CSRP2: variants seen among roughly 807,000 people sequenced by gnomAD.
CSRP2 encodes the protein cysteine and glycine-rich protein 2.
Under a neutral mutation model 24.6 loss-of-function variants are expected in CSRP2, and 18 were observed. The observed-to-expected ratio is 0.73, with a 90% CI of 0.51 to 1.09. The LOEUF is 1.09. Among genes scored for constraint, CSRP2 ranks in the 50% least tolerant of loss-of-function variants. The pLI is 0.00. For synonymous variants in CSRP2, 87 were observed against 84.3 expected, an observed-to-expected ratio of 1.03 and a Z score of -0.18; for missense variants, 215 against 239.4, an observed-to-expected ratio of 0.90 and a Z score of 0.67.
Position 76,860,307 on chromosome 12 carries a change from C to T in CSRP2, c.388G>A (p.Glu130Lys), listed in dbSNP as rs777024886. ...ACCTTTCCAGCTCCAATTATCTTCT[C>T]GGCAGCATATACAGAATCCCCACAT... ...SRCGDSVYAA[E>K]KIIGAGKPWH... The change falls in exon 4 of 6, where the codon GAG (glutamate) becomes AAG (lysine). Residue 130 changes from glutamate to lysine, a missense_variant. Coordinates refer to ENST00000311083, the MANE Select transcript of CSRP2 (RefSeq NM_001321.3). 12 of 1,613,784 alleles carry T rather than the reference C, an allele frequency of 7.4e-6. No individual in the cohort carries two copies. Among genetic ancestry groups the T allele is most frequent in the African/African-American group, 2.7e-5 (2 of 74,912 alleles).
At chr12:76,874,465 G>A (rs541302480) in intron 1 of CSRP2, among the ~76,000 whole-genome samples, 7 of 152,130 alleles carry the variant, frequency 4.6e-5, no homozygotes, top group Non-Finnish European at 8.8e-5. Flanking sequence ...TCTTATAGGC[G>A]GTTGTAAAGA....
intron 1 of CSRP2, among the ~76,000 whole-genome samples, chr12:76,866,779 G>A (rs1953740256): frequency 6.6e-6 from 1 of 152,162 alleles, no homozygotes; most frequent in Non-Finnish European, 1.5e-5. Context: ...AAAGTGTGTT[G>A]CCCTGCAAGA....
intron 3 of CSRP2, chr12:76,862,576 A>G (rs929985553): frequency 1.4e-5 from 6 of 442,982 alleles, no homozygotes; most frequent in African/African-American, 1.0e-4. Context: ...GGGGAATTCT[A>G]AACAAATAAG....
chr12:76,864,943 A>G (rs1244339087), intron 2 of CSRP2: 2 of 152,224 alleles, frequency 1.3e-5, no homozygotes, highest in Non-Finnish European at 2.9e-5. Flanking sequence ...ACCTGTATGA[A>G]CCAAAACAAG....
At chr12:76,877,375 T>C (rs1264737435) in intron 1 of CSRP2, among the ~76,000 whole-genome samples, 6 of 152,250 alleles carry the variant, frequency 3.9e-5, no homozygotes, top group Non-Finnish European at 7.3e-5. Flanking sequence ...TCAATCAATA[T>C]TTGTTAAATA....
Position 76,863,224 on chromosome 12 carries a change from C to G in CSRP2, c.233G>C (p.Gly78Ala). 6.2e-7 allele frequency: 1 copy of G among 1,614,184 alleles called. No individual in the cohort carries two copies. Among genetic ancestry groups the G allele is most frequent in the Non-Finnish European group, 8.5e-7 (1 of 1,180,022 alleles). The change falls in exon 3 of 6, where the codon GGC (glycine) becomes GCC (alanine). Residue 78 changes from glycine to alanine, a missense_variant. By Grantham distance (60) the Gly-to-Ala change is moderately conservative. Coordinates refer to ENST00000311083, the MANE Select transcript of CSRP2 (RefSeq NM_001321.3). ...CTCGCCACGGTCCATGTTAAGCGTG[C>G]CAGCGCCCTGGCCATAACCGTAGCC... The part of the protein sequence containing the change: ...PKGYGYGQGA[G>A]TLNMDRGERL...
chr12:76,871,909 A>T (rs894102472), intron 1 of CSRP2, among the ~76,000 whole-genome samples: 1 of 152,186 alleles, frequency 6.6e-6, no homozygotes, highest in Non-Finnish European at 1.5e-5. Context: ...TAAAAAAAAA[A>T]AAAAGCAAGT....
intron 1 of CSRP2, among the ~76,000 whole-genome samples, chr12:76,876,013 T>A (rs1218043702): frequency 6.6e-6 from 1 of 152,202 alleles, no homozygotes; most frequent in South Asian, 2.1e-4. Context: ...AAACCCCTGG[T>A]AGCAATACAG....
intron 1 of CSRP2, among the ~76,000 whole-genome samples, chr12:76,870,963 A>G (rs1953789908): frequency 8.2e-6 from 1 of 121,804 alleles, no homozygotes; most frequent in Admixed American, 1.0e-4. Context: ...ACAGAGCAAG[A>G]TGACCCTGTC....
chr12:76,869,578 A>ACACACACACACCCC, intron 1 of CSRP2, among the ~76,000 whole-genome samples: 2 of 138,900 alleles, frequency 1.4e-5, no homozygotes, highest in Non-Finnish European at 3.1e-5. Flanking sequence ...ACACACACAC[A>ACACACACACACCCC]CCCCTGACTG....
chr12:76,872,619 G>A (rs1040612394), intron 1 of CSRP2, among the ~76,000 whole-genome samples: 2 of 152,238 alleles, frequency 1.3e-5, no homozygotes, highest in African/African-American at 2.4e-5. Flanking sequence ...GTGAGGGCCA[G>A]CTTTTTCTTG....
intron 1 of CSRP2, among the ~76,000 whole-genome samples, chr12:76,871,221 A>T (rs1259336194): frequency 6.6e-6 from 1 of 152,164 alleles, no homozygotes; most frequent in Non-Finnish European, 1.5e-5. Flanking sequence ...AAGGCAAGAT[A>T]AGGTAAGCAA....
In CSRP2 at chr12:76,866,280, C is replaced by A; in HGVS notation, c.-1-19G>T. 1 of 1,590,936 alleles carries A rather than the reference C, an allele frequency of 6.3e-7. No individual in the cohort carries two copies. The highest frequency in any genetic ancestry group is 1.7e-4 in the Middle Eastern group (1 of 6,020). On this transcript the variant is annotated intron_variant, in intron 1 of 5. Transcript: ENST00000311083. ...AGGCATTCTGAAGGAATAAAGGATT[C>A]ATTAGAATGTCCCTGTGCTGGTCGT...
intron 4 of CSRP2, among the ~76,000 whole-genome samples, chr12:76,860,064 C>T (rs902394962): frequency 3.3e-5 from 5 of 152,092 alleles, no homozygotes; most frequent in Non-Finnish European, 7.4e-5. Context: ...TCAGGAGTGC[C>T]CCCTATGAAA....
chr12:76,862,811 T>C (rs1425125896), intron 3 of CSRP2: 4 of 1,474,148 alleles, frequency 2.7e-6, no homozygotes, highest in Non-Finnish European at 3.6e-6. Context: ...GCTGCTTACA[T>C]TGCACATGAG....
chr12:76,859,043 G>GAGGA lies in CSRP2; in HGVS notation c.506-19_506-16dup, dbSNP rs1565818775. The GAGGA allele has an allele frequency of 1.2e-6, 2 of 1,612,998 alleles. No homozygotes were observed. The highest frequency in any genetic ancestry group is 2.7e-5 in the African/African-American group (2 of 75,050). ...TGCATAGCATCCTACAAAGGAAAGG[G>GAGGA]AGGAAGGATAGTTAGTGCAAGTCCA... On this transcript the variant is annotated splice_polypyrimidine_tract_variant and intron_variant, in intron 5 of 5. Transcript: ENST00000311083.
At chr12:76,862,985 T>C in intron 3 of CSRP2, 191 bp downstream of exon 3, 1 of 1,454,836 alleles carries the variant, frequency 6.9e-7, no homozygotes, top group Non-Finnish European at 9.0e-7. Flanking sequence ...TAGAAATCAC[T>C]GGAATTATTA....
intron 1 of CSRP2, 45 bp from the exon 2 acceptor site, chr12:76,866,306 A>T (rs1434932864): frequency 1.3e-6 from 2 of 1,506,732 alleles, no homozygotes; most frequent in Non-Finnish European, 1.8e-6. Context: ...TGCTGGTCGT[A>T]CGGCTCCCTA....
intron 1 of CSRP2, among the ~76,000 whole-genome samples, chr12:76,877,963 C>CCAGGGGGTGCCTACGTGGAGCTCCTGA (rs1953867953): frequency 8.8e-6 from 1 of 113,846 alleles, no homozygotes; most frequent in Non-Finnish European, 1.9e-5. Context: ...GCCCCCGCCC[C>CCAGGGGGTGCCTACGTGGAGCTCCTGA]ACCCCCCCAC....
Sources: gnomAD v4.1 joint callset for allele counts (sites outside exome capture counted in the v4.1 genomes callset) on GRCh38, gnomAD v4.1.1 for gene constraint, MANE v1.5 for transcripts, NCBI Gene and HGNC (gene_info 2026-07-23, HGNC 2026-07-21) for gene names.